Variants in USP54 observed in about 807,000 individuals in gnomAD.
USP54 encodes ubiquitin specific peptidase 54, also known as ubiquitin carboxyl-terminal hydrolase 54.
Under a neutral mutation model 170.5 loss-of-function variants are expected in USP54, and 87 were observed. That is an observed-to-expected ratio of 0.51 (90% CI 0.43 to 0.61). USP54 has a LOEUF of 0.61. USP54 is among the 20% of genes least tolerant of loss of function. The probability of loss-of-function intolerance (pLI) is 0.00; values close to 1 mark genes in which losing one functional copy is unlikely to be tolerated. For synonymous variants in USP54, 655 were observed against 742.8 expected (o/e 0.88, Z 1.92); for missense variants, 1,786 against 2,047.8 (o/e 0.87, Z 2.47).
chr10:73,549,995 C>T (rs961805233), intron 4 of USP54, among the ~76,000 whole-genome samples: 5 of 150,988 alleles, frequency 3.3e-5, no homozygotes, highest in Admixed American at 6.6e-5. Context: ...GTGATCTCGG[C>T]TCACTGTAAC....
At chr10:73,540,542 C>A (rs2066392291) in intron 9 of USP54, among the ~76,000 whole-genome samples, 1 of 152,082 alleles carries the variant, frequency 6.6e-6, no homozygotes, top group Non-Finnish European at 1.5e-5. Flanking sequence ...TGCACTCCAG[C>A]CTGGGCGACA....
rs751950116 is a variant in USP54 at position 73,534,697 on chromosome 10, G to A, written c.1218C>T (p.His406=). 8.7e-6 allele frequency: 14 copies of A among 1,614,040 alleles called. No homozygotes were observed. In the African/African-American group the frequency reaches 1.7e-4, roughly 20 times the overall value. Residue 406 remains histidine (H), a synonymous_variant, in exon 12 of 24, where the codon CAC becomes CAT. Transcript: ENST00000687698. The part of the protein sequence containing the change: ...STESYPYKHS[H]HESVVSHFSS... Reference sequence around the variant, plus strand: ...AGAAGTGACTGACCACAGACTCATGGTGGGAATGTTTGTAGGGATAGCTCT... The same window carrying A: ...AGAAGTGACTGACCACAGACTCATGATGGGAATGTTTGTAGGGATAGCTCT...
chr10:73,516,949 T>C lies in USP54; in HGVS notation c.3477A>G (p.Leu1159=). ...AATCAGAAGGGGAAGAGTTCTTCCTTAGACTACCTGACAAACTTCTATCCT... is the reference window on the plus strand; with the variant it reads ...AATCAGAAGGGGAAGAGTTCTTCCTCAGACTACCTGACAAACTTCTATCCT... ...GFKDRSLSGS[L]RKNSSPSDSK... The change falls in exon 20 of 24, where the codon CTA becomes CTG. Residue 1159 remains leucine (L), a synonymous_variant. Coordinates refer to ENST00000687698, the MANE Select transcript of USP54 (RefSeq NM_001391956.1). The C allele has an allele frequency of 1.2e-6, 2 of 1,614,186 alleles. No individual in the cohort carries two copies. The highest frequency in any genetic ancestry group is 1.7e-6 in the Non-Finnish European group (2 of 1,180,028).
intron 1 of USP54, among the ~76,000 whole-genome samples, chr10:73,586,324 G>A (rs1446834294): frequency 1.3e-5 from 2 of 152,052 alleles, no homozygotes; most frequent in Non-Finnish European, 2.9e-5. Flanking sequence ...ATCCTACAAG[G>A]AAAAGCCTTC....
chr10:73,600,569 AT>A (rs1288742465), intron 1 of USP54, among the ~76,000 whole-genome samples: 2 of 152,166 alleles, frequency 1.3e-5, no homozygotes, highest in East Asian at 3.8e-4. Context: ...ATAATAAACA[AT>A]TGGGGCCTAC....
intron 4 of USP54, among the ~76,000 whole-genome samples, chr10:73,569,986 T>C (rs1170557657): frequency 6.9e-6 from 1 of 145,974 alleles, no homozygotes; most frequent in Admixed American, 7.0e-5. Context: ...GAGTCAGTTA[T>C]TGCAAATAAC....
chr10:73,531,024 G>C (rs1208280001), intron 12 of USP54, among the ~76,000 whole-genome samples, 189 bp from the exon 13 acceptor site: 1 of 152,094 alleles, frequency 6.6e-6, no homozygotes, highest in Non-Finnish European at 1.5e-5. Flanking sequence ...AGGGCCAGGT[G>C]CAGTGACTCA....
chr10:73,511,633 C>G (rs1433994772), intron 20 of USP54, among the ~76,000 whole-genome samples: 2 of 151,462 alleles, frequency 1.3e-5, no homozygotes, highest in Non-Finnish European at 2.9e-5. Context: ...GCACTCCAGC[C>G]TGGGCAACAG....
intron 4 of USP54, among the ~76,000 whole-genome samples, chr10:73,557,266 A>G (rs1459280868): frequency 1.3e-5 from 2 of 152,188 alleles, no homozygotes; most frequent in African/African-American, 2.4e-5. Flanking sequence ...TAGTGATATG[A>G]GATAGAATAA....
In USP54 at chr10:73,620,116, G is replaced by A. The variant is rs947573910; in HGVS notation, c.-18+5451C>T. Among the ~76,000 whole-genome samples, 20 of 149,822 alleles carry A rather than the reference G, an allele frequency of 1.3e-4. 3 individuals are homozygous for A. The highest frequency in any genetic ancestry group is 5.1e-4 in the African/African-American group (20 of 39,394). On this transcript the variant is annotated intron_variant, in intron 1 of 22. Coordinates refer to the USP54 transcript ENST00000339859. ...TCACTTGAGGTCAGGAGTTCCAGAC[G>A]AGCCTGACCAATATGGTGAAACTCT... is the stretch of plus-strand genomic sequence containing the variant.
chr10:73,571,951 C>G (rs997172014), intron 3 of USP54, among the ~76,000 whole-genome samples: 1 of 152,080 alleles, frequency 6.6e-6, no homozygotes, highest in Non-Finnish European at 1.5e-5. Flanking sequence ...TCAGACATTT[C>G]TAAGAGAAGT....
chr10:73,536,831 A>C (rs1315919799), intron 10 of USP54, among the ~76,000 whole-genome samples: 1 of 152,216 alleles, frequency 6.6e-6, no homozygotes, highest in Non-Finnish European at 1.5e-5. Context: ...GCATTTCCTT[A>C]GTTTTCTCCC....
chr10:73,558,910 TTG>T (rs1279071583), intron 4 of USP54, among the ~76,000 whole-genome samples: 1 of 152,298 alleles, frequency 6.6e-6, no homozygotes, highest in Admixed American at 6.5e-5. Context: ...TGTTATGCAT[TTG>T]TGACATAACT....
At chr10:73,572,071 T>C (rs2075304662) in intron 3 of USP54, among the ~76,000 whole-genome samples, 1 of 152,196 alleles carries the variant, frequency 6.6e-6, no homozygotes, top group Non-Finnish European at 1.5e-5. Context: ...TATATACCCT[T>C]GATGCAATGT....
chr10:73,623,983 G>C (rs2081279713), intron 1 of USP54, among the ~76,000 whole-genome samples: 1 of 151,698 alleles, frequency 6.6e-6, no homozygotes, highest in African/African-American at 2.4e-5. Context: ...TTGGATTCAT[G>C]CAGAAATCTT....
intron 3 of USP54, among the ~76,000 whole-genome samples, chr10:73,571,744 T>C (rs75706553): frequency 0.05 from 7,578 of 152,210 alleles, 584 homozygotes; most frequent in African/African-American, 0.17. Context: ...GTGAAGGTAA[T>C]ACAGTTAAAA....
Position 73,590,504 on chromosome 10 carries a change from T to G in USP54, c.-582+774A>C, listed in dbSNP as rs181559262. Among the ~76,000 whole-genome samples, 788 of 152,282 alleles carry G rather than the reference T, an allele frequency of 5.2e-3. 5 individuals are homozygous for G. Among genetic ancestry groups the G allele is most frequent in the Non-Finnish European group, 8.2e-3 (557 of 68,024 alleles). ...CATCCAGTATCCAAAAAAAAATTTTTTTTTAATACACACACAAATATTCTT... is the reference window on the plus strand; with the variant it reads ...CATCCAGTATCCAAAAAAAAATTTTGTTTTAATACACACACAAATATTCTT... On this transcript the variant is annotated intron_variant, in intron 1 of 23. Transcript: ENST00000687698.
upstream of USP54, among the ~76,000 whole-genome samples, chr10:73,596,143 C>T (rs1459698339): frequency 2.0e-5 from 3 of 151,368 alleles, no homozygotes; most frequent in Non-Finnish European, 4.4e-5. Flanking sequence ...AAAAACAGGC[C>T]GGGTGCAGTG....
intron 18 of USP54, 60 bp from the exon 19 acceptor site, chr10:73,520,052 G>T: frequency 1.3e-6 from 2 of 1,527,692 alleles, no homozygotes; most frequent in South Asian, 2.4e-5. Context: ...AAAATAAAAA[G>T]AATAAAATTG....
Sources: gnomAD v4.1 joint callset for allele counts (sites outside exome capture counted in the v4.1 genomes callset) on GRCh38, gnomAD v4.1.1 for gene constraint, MANE v1.5 for transcripts, NCBI Gene and HGNC (gene_info 2026-07-23, HGNC 2026-07-21) for gene names.